Variants in GLG1 observed in about 807,000 individuals in gnomAD.
The protein encoded by GLG1 is Golgi apparatus protein 1.
Under a neutral mutation model 160.5 loss-of-function variants are expected in GLG1, and 38 were observed. The ratio of observed to expected loss-of-function variants is 0.24; its 90% CI spans 0.18 to 0.31. GLG1 has a LOEUF of 0.31. GLG1 is among the 10% of genes least tolerant of loss of function. The probability of loss-of-function intolerance (pLI) is 1.00; values close to 1 mark genes in which losing one functional copy is unlikely to be tolerated. For missense variants in GLG1, 1,373 were observed against 1,505.2 expected, an observed-to-expected ratio of 0.91 and a Z score of 1.45; for synonymous variants, 644 against 543.4, an observed-to-expected ratio of 1.19 and a Z score of -2.57.
At chr16:74,530,369 G>C (rs1272216454) in intron 2 of GLG1, among the ~76,000 whole-genome samples, 2 of 152,092 alleles carry the variant, frequency 1.3e-5, no homozygotes, top group Non-Finnish European at 2.9e-5. Context: ...GGCTTGAACA[G>C]GGTTCAGCCA....
chr16:74,468,873 G>C (rs1195552210), intron 17 of GLG1, 73 bp downstream of exon 17: 1 of 910,328 alleles, frequency 1.1e-6, no homozygotes, highest in African/African-American at 1.6e-5. Context: ...CCTCCCCCTT[G>C]CCCTAGCCTC....
At chr16:74,538,727 GATTT>G (rs778829238) in intron 1 of GLG1, among the ~76,000 whole-genome samples, 985 of 64,340 alleles carry the variant, frequency 0.015, 6 homozygotes, top group Admixed American at 0.017. Context: ...GAGATTTTGA[GATTT>G]TTTTTTTTTT....
At chr16:74,595,150 T>A (rs368201723) in intron 1 of GLG1, among the ~76,000 whole-genome samples, 1 of 150,592 alleles carries the variant, frequency 6.6e-6, no homozygotes, top group Non-Finnish European at 1.5e-5. Context: ...ATCGCGCCAC[T>A]GCAATCTAGC....
chr16:74,557,456 T>C (rs1275468407), intron 1 of GLG1, among the ~76,000 whole-genome samples: 1 of 152,172 alleles, frequency 6.6e-6, no homozygotes, highest in Non-Finnish European at 1.5e-5. Context: ...ATAGGCTTAC[T>C]TATGGGTGAC....
intron 2 of GLG1, among the ~76,000 whole-genome samples, chr16:74,529,993 G>A (rs1470879181): frequency 6.6e-6 from 1 of 151,520 alleles, no homozygotes; most frequent in African/African-American, 2.4e-5. Context: ...TTTATTTTTA[G>A]TAGAGGGGTT....
In GLG1 at chr16:74,452,194, C is replaced by T; in HGVS notation, c.*973G>A. The T allele has an allele frequency of 6.4e-7, 1 of 1,564,516 alleles. No individual in the cohort carries two copies. Among genetic ancestry groups the T allele is most frequent in the South Asian group, 1.2e-5 (1 of 86,174 alleles). On this transcript the variant is annotated 3_prime_UTR_variant, in exon 26 of 26. Transcript: ENST00000422840. ...CCACTTCCTGACCCACTGCTCCCCA[C>T]ACCCATCTTCAAGGACCCCTCCCGC...
chr16:74,453,635 G>A lies in GLG1; in HGVS notation c.3373-301C>T, dbSNP rs541967845. Among the ~76,000 whole-genome samples the A allele has an allele frequency of 2.6e-5, 4 of 152,268 alleles. No individual in the cohort carries two copies. The South Asian group carries it at 8.3e-4, about 32-fold the overall frequency. On this transcript the variant is annotated intron_variant, in intron 25 of 25. Transcript: ENST00000422840. ...ACTGAAGATGTGTCGGGCCCTGGAC[G>A]AAGGGCTCCCCCTGCCCTCACTCAT...
intron 8 of GLG1, among the ~76,000 whole-genome samples, chr16:74,490,093 T>C (rs75885889): frequency 0.031 from 4,730 of 152,284 alleles, 91 homozygotes; most frequent in Middle Eastern, 0.051. Flanking sequence ...CTATCTCTTG[T>C]GCTCCCCAAA....
intron 1 of GLG1, among the ~76,000 whole-genome samples, chr16:74,540,727 T>TG (rs1301859521): frequency 6.6e-6 from 1 of 151,528 alleles, no homozygotes; most frequent in African/African-American, 2.4e-5. Flanking sequence ...ACCTAAATTA[T>TG]GGGGGAAGGA....
intron 2 of GLG1, among the ~76,000 whole-genome samples, chr16:74,517,660 C>T (rs2017022491): frequency 1.3e-5 from 2 of 152,314 alleles, no homozygotes; most frequent in African/African-American, 2.4e-5. Flanking sequence ...TGCCCTCTCT[C>T]ACCACTCCTA....
At chr16:74,488,368 C>T (rs2015866553) in intron 8 of GLG1, among the ~76,000 whole-genome samples, 1 of 151,972 alleles carries the variant, frequency 6.6e-6, no homozygotes, top group Non-Finnish European at 1.5e-5. Flanking sequence ...ACGGCGAGAC[C>T]CCATCACTTA....
At chr16:74,568,418 CT>C (rs57385691) in intron 1 of GLG1, among the ~76,000 whole-genome samples, 59,557 of 130,150 alleles carry the variant, frequency 0.46, 11,980 homozygotes, top group South Asian at 0.55. Context: ...AATTTTACTG[CT>C]TTTTTTTTTT....
chr16:74,502,681 C>G (rs1032409644), intron 4 of GLG1, among the ~76,000 whole-genome samples: 1 of 149,318 alleles, frequency 6.7e-6, no homozygotes, highest in Non-Finnish European at 1.5e-5. Flanking sequence ...GTAGCTGGGA[C>G]TACAGACACC....
chr16:74,452,595 C>T lies in GLG1; in HGVS notation c.*572G>A. 1 of 1,000,346 alleles carries T rather than the reference C, an allele frequency of 1.0e-6. No individual in the cohort carries two copies. 62.0% of individuals were successfully genotyped at this position (1,000,346 alleles called of 1,614,324 possible). A position where few individuals can be genotyped will look rare whatever the true frequency, so the allele number is the denominator to read the frequency against. The stretch of plus-strand genomic sequence containing the variant: ...CCCACACAGCCTGGGGAACGGCTGC[C>T]CACCCACGCCTCGGTGAAGACCACG... On this transcript the variant is annotated 3_prime_UTR_variant, in exon 26 of 26. Coordinates refer to ENST00000422840, the MANE Select transcript of GLG1 (RefSeq NM_001145667.2).
chr16:74,541,768 A>G (rs1312362034), intron 1 of GLG1, among the ~76,000 whole-genome samples: 13 of 152,178 alleles, frequency 8.5e-5, no homozygotes, highest in Admixed American at 7.2e-4. Context: ...AAAATACATG[A>G]CACACATGTT....
intron 1 of GLG1, among the ~76,000 whole-genome samples, chr16:74,587,523 G>A (rs1462555455): frequency 1.3e-5 from 2 of 152,136 alleles, no homozygotes; most frequent in African/African-American, 4.8e-5. Flanking sequence ...TTAATCAATA[G>A]AAAAAGATCA....
At chr16:74,601,452 C>T (rs986677501) in intron 1 of GLG1, among the ~76,000 whole-genome samples, 9 of 151,854 alleles carry the variant, frequency 5.9e-5, no homozygotes, top group African/African-American at 2.2e-4. Context: ...ACCCCAACTA[C>T]TCATTTAACA....
At chr16:74,533,765 A>G (rs535011157) in intron 1 of GLG1, among the ~76,000 whole-genome samples, 2 of 152,332 alleles carry the variant, frequency 1.3e-5, no homozygotes, top group South Asian at 4.1e-4. Flanking sequence ...TGGGCAACAG[A>G]GCGAGATTCC....
At chr16:74,560,080 T>C (rs555613427) in intron 1 of GLG1, among the ~76,000 whole-genome samples, 1 of 152,310 alleles carries the variant, frequency 6.6e-6, no homozygotes, top group Admixed American at 6.5e-5. Context: ...TTGTGTCAAC[T>C]TCACTGGGCC....
Sources: allele counts gnomAD v4.1 joint callset (sites outside exome capture counted in the v4.1 genomes callset), GRCh38; gene constraint gnomAD v4.1.1; transcripts MANE v1.5; gene names NCBI Gene and HGNC (gene_info 2026-07-23, HGNC 2026-07-21).